The following STAT5B variants were observed in gnomAD, a reference collection of about 807,000 sequenced individuals.
The protein encoded by STAT5B is signal transducer and activator of transcription 5B.
A neutral mutation model predicts 107.8 loss-of-function variants in STAT5B; 21 were observed. The ratio of observed to expected loss-of-function variants is 0.19; its 90% CI spans 0.14 to 0.28. STAT5B has a LOEUF of 0.28. Ranked by LOEUF, STAT5B falls within the 10% of genes least tolerant of loss-of-function variation. The probability of loss-of-function intolerance (pLI) is 1.00; values close to 1 mark genes in which losing one functional copy is unlikely to be tolerated. For synonymous variants in STAT5B, 325 were observed against 401.7 expected, an observed-to-expected ratio of 0.81 and a Z score of 2.28; for missense variants, 565 against 1,008.2, an observed-to-expected ratio of 0.56 and a Z score of 5.95.
At chr17:42,280,659 G>A (rs960438295), upstream of STAT5B, among the ~76,000 whole-genome samples, 1 of 152,190 alleles carries the variant, frequency 6.6e-6, no homozygotes, top group African/African-American at 2.4e-5. Context: ...TGTGGAGAAG[G>A]TATAGGATGC....
intron 1 of STAT5B, among the ~76,000 whole-genome samples, chr17:42,266,431 T>C (rs1161595483): frequency 6.6e-6 from 1 of 151,858 alleles, no homozygotes; most frequent in Non-Finnish European, 1.5e-5. Context: ...GAATATCACA[T>C]TTTTGGACAA....
intron 1 of STAT5B, among the ~76,000 whole-genome samples, chr17:42,245,447 G>A (rs761812262): frequency 8.6e-5 from 13 of 151,464 alleles, no homozygotes; most frequent in South Asian, 4.2e-4. Context: ...CACCTCTCGC[G>A]TTCATGCAAT....
chr17:42,201,522 ACG>A lies in STAT5B; in HGVS notation c.*214_*215del, dbSNP rs1218034114. On this transcript the variant is annotated 3_prime_UTR_variant, in exon 19 of 19. Transcript: ENST00000293328. ...GGGAGAAACACCATAACGTGCAAAC[ACG>A]CACACACACACACACACACACACAC... 1.1e-5 allele frequency: 7 copies of A among 625,736 alleles called. No homozygotes were observed. Among genetic ancestry groups the A allele is most frequent in the South Asian group, 7.1e-5 (4 of 56,466 alleles). The allele number at this position is 625,736 out of a possible 1,614,324, so 38.8% of individuals were successfully genotyped here. A position where few individuals can be genotyped will look rare whatever the true frequency, so the allele number is the denominator to read the frequency against.
intron 7 of STAT5B, among the ~76,000 whole-genome samples, 199 bp downstream of exon 7, chr17:42,219,113 T>C (rs2140102): frequency 1.4e-4 from 21 of 152,086 alleles, no homozygotes; most frequent in Admixed American, 1.3e-3. Flanking sequence ...CTGTCCCATC[T>C]CCAGGACAGC....
chr17:42,214,439 A>T, intron 12 of STAT5B: 1 of 985,430 alleles, frequency 1.0e-6, no homozygotes, highest in Non-Finnish European at 1.2e-6. Flanking sequence ...TCACCTTTGC[A>T]GTAAAATACT....
intron 1 of STAT5B, among the ~76,000 whole-genome samples, chr17:42,233,583 C>T (rs1453187796): frequency 6.6e-6 from 1 of 151,920 alleles, no homozygotes; most frequent in Admixed American, 6.6e-5. Flanking sequence ...CCCCGCCTCC[C>T]GGGTTCACGC....
At chr17:42,251,128 C>T (rs1361975215) in intron 1 of STAT5B, among the ~76,000 whole-genome samples, 1 of 151,966 alleles carries the variant, frequency 6.6e-6, no homozygotes, top group Non-Finnish European at 1.5e-5. Flanking sequence ...ACTAAGAAGA[C>T]AAACCTTCAA....
At chr17:42,282,456 T>C in the STAT5B span, among the ~76,000 whole-genome samples, 1 of 152,146 alleles carries the variant, frequency 6.6e-6, no homozygotes, top group African/African-American at 2.4e-5. Context: ...CCCAAATAGC[T>C]GGGATTACAG....
chr17:42,236,644 C>T (rs1450743938), intron 1 of STAT5B, among the ~76,000 whole-genome samples: 1 of 152,154 alleles, frequency 6.6e-6, no homozygotes, highest in Non-Finnish European at 1.5e-5. Flanking sequence ...ACCATGTTGG[C>T]CAGGTTGGTC....
In STAT5B at chr17:42,220,093, GGGA is replaced by G. The variant is rs528291248; in HGVS notation, c.551-254_551-252del. Among the ~76,000 whole-genome samples the G allele has an allele frequency of 1.1e-4, 17 of 152,316 alleles. No homozygotes were observed. In the South Asian group the frequency reaches 3.5e-3, roughly 32 times the overall value. On this transcript the variant is annotated intron_variant, in intron 5 of 18. Transcript: ENST00000293328. ...GGGCACACGGGTGCTGGGGCAGCTG[GGGA>G]GGAGGCCTGCCTGCCTCCTGCCCGC...
At chr17:42,219,986 G>C in intron 5 of STAT5B, 144 bp from the exon 6 acceptor site, 3 of 1,423,172 alleles carry the variant, frequency 2.1e-6, no homozygotes, top group Non-Finnish European at 2.8e-6. Flanking sequence ...TGACAGCCAG[G>C]GGGGCCAAGA....
chr17:42,275,161 T>C (rs1207816210), intron 1 of STAT5B: 2 of 152,200 alleles, frequency 1.3e-5, no homozygotes, highest in African/African-American at 2.4e-5. Context: ...ACTCCACCTA[T>C]CTGGGCCTCA....
intron 1 of STAT5B, among the ~76,000 whole-genome samples, chr17:42,240,618 T>G (rs1598321118): frequency 6.6e-6 from 1 of 152,120 alleles, no homozygotes; most frequent in Admixed American, 6.6e-5. Context: ...AATTTTATAG[T>G]GCGTGATTAT....
chr17:42,220,945 T>C (rs1280137503), intron 5 of STAT5B, among the ~76,000 whole-genome samples: 1 of 129,284 alleles, frequency 7.7e-6, no homozygotes, highest in Non-Finnish European at 1.6e-5. Flanking sequence ...TCCACCACAC[T>C]GGGACTATTA....
intron 1 of STAT5B, among the ~76,000 whole-genome samples, chr17:42,257,108 G>T (rs949158665): frequency 2.0e-5 from 3 of 152,074 alleles, no homozygotes; most frequent in Admixed American, 2.0e-4. Flanking sequence ...GTTGGGCTCT[G>T]TTCTAGGTAC....
At chr17:42,240,804 G>C (rs1342057489) in intron 1 of STAT5B, among the ~76,000 whole-genome samples, 1 of 152,120 alleles carries the variant, frequency 6.6e-6, no homozygotes, top group Non-Finnish European at 1.5e-5. Context: ...CATTTTCTAT[G>C]TACTTTTCTG....
rs190532718 is a variant in STAT5B, at chr17:42,252,204, C to G, written c.-10-20067G>C. On this transcript the variant is annotated intron_variant, in intron 1 of 18. Coordinates refer to ENST00000293328, the MANE Select transcript of STAT5B (RefSeq NM_012448.4). Reference sequence around the variant, plus strand: ...CAAGGGGAAATTTGGGACAAGGATGCCTGGCAGTTCCACAAGCCTAGGAAA... The same window carrying G: ...CAAGGGGAAATTTGGGACAAGGATGGCTGGCAGTTCCACAAGCCTAGGAAA... 2.5e-3 allele frequency among the ~76,000 whole-genome samples: 379 copies of G among 152,178 alleles called. 2 individuals are homozygous for G. The highest frequency in any genetic ancestry group is 0.011 in the South Asian group (51 of 4,806).
intron 15 of STAT5B, 80 bp downstream of exon 15, chr17:42,210,091 A>G: frequency 6.3e-7 from 1 of 1,599,926 alleles, no homozygotes. Context: ...ACAAATAGTA[A>G]GTACCCACTA....
At chr17:42,224,578 G>T (rs2080257537) in intron 4 of STAT5B, among the ~76,000 whole-genome samples, 1 of 151,948 alleles carries the variant, frequency 6.6e-6, no homozygotes, top group African/African-American at 2.4e-5. Context: ...CTGGGCTCAG[G>T]CAATCTGCCT....
Sources: gnomAD v4.1 joint callset for allele counts (sites outside exome capture counted in the v4.1 genomes callset) on GRCh38, gnomAD v4.1.1 for gene constraint, MANE v1.5 for transcripts, NCBI Gene and HGNC (gene_info 2026-07-23, HGNC 2026-07-21) for gene names.